FASTKD2: variants seen among roughly 807,000 people sequenced by gnomAD.
FASTKD2 encodes the protein FAST kinase domain-containing protein 2, mitochondrial.
FASTKD2 carries 51 observed loss-of-function variants against 63.6 expected under a neutral mutation model. The ratio of observed to expected loss-of-function variants is 0.80; its 90% CI spans 0.64 to 1.01. The LOEUF (loss-of-function observed/expected upper bound fraction) is 1.01, where lower values mean the gene tolerates loss of function less well. FASTKD2 is among the 50% of genes least tolerant of loss of function. The probability of loss-of-function intolerance (pLI) is 0.00; values close to 1 mark genes in which losing one functional copy is unlikely to be tolerated. For synonymous variants in FASTKD2, 284 were observed against 293.4 expected (o/e 0.97, Z 0.33); for missense variants, 786 against 831.1 (o/e 0.95, Z 0.67).
rs1236156868 is a variant in FASTKD2 at position 206,776,888 on chromosome 2, G to A, written c.1427+2491G>A. On this transcript the variant is annotated intron_variant, in intron 7 of 11. Coordinates refer to ENST00000402774, the MANE Select transcript of FASTKD2 (RefSeq NM_001136193.2). Reference sequence around the variant, plus strand: ...CTGAATCCGTAGACTGCCTGGGTTAGTATGGACATTTTAACAGGATTAAGT... The same window carrying A: ...CTGAATCCGTAGACTGCCTGGGTTAATATGGACATTTTAACAGGATTAAGT... Among the ~76,000 whole-genome samples the A allele has an allele frequency of 8.5e-5, 13 of 152,154 alleles. No homozygotes were observed. In the East Asian group the frequency reaches 2.3e-3, roughly 27 times the overall value.
chr2:206,781,617 G>T (rs2105981233), intron 7 of FASTKD2, among the ~76,000 whole-genome samples: 1 of 148,730 alleles, frequency 6.7e-6, no homozygotes, highest in Middle Eastern at 3.4e-3. Context: ...TGCCTGGCCT[G>T]AATGTGTTTA....
At chr2:206,777,039 G>A (rs1363867339) in intron 7 of FASTKD2, among the ~76,000 whole-genome samples, 1 of 151,846 alleles carries the variant, frequency 6.6e-6, no homozygotes, top group Admixed American at 6.6e-5. Context: ...AGTATTTTAT[G>A]CTTTTTGATA....
intron 7 of FASTKD2, among the ~76,000 whole-genome samples, chr2:206,779,627 C>T (rs994406847): frequency 2.0e-5 from 3 of 152,128 alleles, no homozygotes; most frequent in African/African-American, 7.2e-5. Flanking sequence ...AAACTGCCCC[C>T]ATGATCCAAT....
chr2:206,790,411 A>G (rs1329216042), intron 10 of FASTKD2, 161 bp from the exon 11 acceptor site: 5 of 642,268 alleles, frequency 7.8e-6, no homozygotes, highest in Non-Finnish European at 1.4e-5. Flanking sequence ...ATAGTGGAAT[A>G]TCTGCAGAGG....
rs1028232504 is a variant in FASTKD2 at position 206,795,344 on chromosome 2, C to A, written c.*3542C>A. On this transcript the variant is annotated 3_prime_UTR_variant, in exon 12 of 12. Coordinates refer to ENST00000402774, the MANE Select transcript of FASTKD2 (RefSeq NM_001136193.2). ...CGCCTCCTGGGTTCAAGCCATTCTC[C>A]TGCCTCAGCCTCCCGAGTAGCTGGG... Among the ~76,000 whole-genome samples the A allele has an allele frequency of 3.3e-5, 5 of 152,252 alleles. No individual in the cohort carries two copies. The highest frequency in any genetic ancestry group is 7.3e-5 in the Non-Finnish European group (5 of 68,040).
chr2:206,781,469 C>T (rs1197965271), intron 7 of FASTKD2, among the ~76,000 whole-genome samples: 1 of 151,846 alleles, frequency 6.6e-6, no homozygotes, highest in Non-Finnish European at 1.5e-5. Flanking sequence ...GCACCTGCCA[C>T]CACGCCTGGC....
At chr2:206,787,902 C>A in intron 8 of FASTKD2, 35 bp from the exon 9 acceptor site, 1 of 1,216,082 alleles carries the variant, frequency 8.2e-7, no homozygotes, top group African/African-American at 1.5e-5. Context: ...GCATTTATTT[C>A]TTCTTAATGA....
intron 6 of FASTKD2, among the ~76,000 whole-genome samples, chr2:206,772,695 A>C (rs1396668826): frequency 6.6e-6 from 1 of 152,212 alleles, no homozygotes; most frequent in Non-Finnish European, 1.5e-5. Flanking sequence ...TCAGCTGTGC[A>C]ATCATGAGGG....
At chr2:206,778,009 G>T (rs921208444) in intron 7 of FASTKD2, among the ~76,000 whole-genome samples, 6 of 151,854 alleles carry the variant, frequency 4.0e-5, no homozygotes, top group Non-Finnish European at 8.8e-5. Flanking sequence ...TAGTTATAAT[G>T]TCTTGTTCGT....
chr2:206,796,128 C>T lies in FASTKD2; in HGVS notation c.*4326C>T, dbSNP rs950430575. 1.7e-4 allele frequency among the ~76,000 whole-genome samples: 26 copies of T among 152,164 alleles called. No homozygotes were observed. The highest frequency in any genetic ancestry group is 6.3e-4 in the African/African-American group (26 of 41,440). On this transcript the variant is annotated 3_prime_UTR_variant, in exon 12 of 12. Coordinates refer to ENST00000402774, the MANE Select transcript of FASTKD2 (RefSeq NM_001136193.2). ...AAGTAAATCCTGATTGATAAAGATACTACAATATATGCACATATATATGTT... is the reference window on the plus strand; with the variant it reads ...AAGTAAATCCTGATTGATAAAGATATTACAATATATGCACATATATATGTT...
chr2:206,776,219 A>G (rs1459593562), intron 7 of FASTKD2, among the ~76,000 whole-genome samples: 4 of 151,752 alleles, frequency 2.6e-5, no homozygotes, highest in Non-Finnish European at 3.0e-5. Flanking sequence ...AACTTATAGC[A>G]ATAAGCATAA....
At chr2:206,784,293 A>G (rs1332972933) in intron 7 of FASTKD2, among the ~76,000 whole-genome samples, 1 of 152,258 alleles carries the variant, frequency 6.6e-6, no homozygotes, top group Non-Finnish European at 1.5e-5. Flanking sequence ...AGGAAGGAGA[A>G]AGGAAGATGG....
intron 2 of FASTKD2, among the ~76,000 whole-genome samples, chr2:206,768,378 A>C (rs116580991): frequency 5.4e-4 from 82 of 152,280 alleles, no homozygotes; most frequent in African/African-American, 1.9e-3. Context: ...AAGAGTGTAC[A>C]CTTCTGACGT....
In FASTKD2 at chr2:206,793,116, G is replaced by A. The variant is rs1690333784; in HGVS notation, c.*1314G>A. Among the ~76,000 whole-genome samples, 1 of 151,346 alleles carries A rather than the reference G, an allele frequency of 6.6e-6. No homozygotes were observed. Among genetic ancestry groups the A allele is most frequent in the African/African-American group, 2.4e-5 (1 of 41,096 alleles). On this transcript the variant is annotated 3_prime_UTR_variant, in exon 12 of 12. Transcript: ENST00000402774. The stretch of plus-strand genomic sequence containing the variant: ...GCATGCCTATAATCCCAGCTACTGG[G>A]GAGGCTGAGGCAGGGGAATCGCTTG...
At position 206,766,630 on chromosome 2, in the gene FASTKD2, T is replaced by G. The variant is rs1482527244; in HGVS notation, c.-50-14T>G. 1 of 1,335,606 alleles carries G rather than the reference T, an allele frequency of 7.5e-7. No individual in the cohort carries two copies. Among genetic ancestry groups the G allele is most frequent in the Non-Finnish European group, 1.1e-6 (1 of 928,154 alleles). The allele number at this position is 1,335,606 out of a possible 1,614,324, so 82.7% of individuals were successfully genotyped here. On this transcript the variant is annotated splice_polypyrimidine_tract_variant and intron_variant, in intron 1 of 11. Transcript: ENST00000402774. ...TTTTAATTTTTATTCTTTTCATTACTTCTTCCCCTACAGGAAAACGACAGC... is the reference window on the plus strand; with the variant it reads ...TTTTAATTTTTATTCTTTTCATTACGTCTTCCCCTACAGGAAAACGACAGC...
chr2:206,789,688 G>C (rs1690231884), intron 10 of FASTKD2: 1 of 152,202 alleles, frequency 6.6e-6, no homozygotes, highest in Non-Finnish European at 1.5e-5. Context: ...ACACAGTTCT[G>C]TGACTTTCAC....
chr2:206,787,084 C>T (rs1690157433), intron 8 of FASTKD2, among the ~76,000 whole-genome samples, 185 bp downstream of exon 8: 1 of 152,132 alleles, frequency 6.6e-6, no homozygotes, highest in African/African-American at 2.4e-5. Flanking sequence ...AGCAAACCTA[C>T]AGACCCTTCT....
chr2:206,770,457 G>T (rs964046001), intron 3 of FASTKD2, among the ~76,000 whole-genome samples: 8 of 152,014 alleles, frequency 5.3e-5, no homozygotes, highest in African/African-American at 1.9e-4. Flanking sequence ...TTAAAACATA[G>T]TACTGGCCAG....
At chr2:206,787,387 T>C (rs933364342) in intron 8 of FASTKD2, among the ~76,000 whole-genome samples, 1 of 152,246 alleles carries the variant, frequency 6.6e-6, no homozygotes, top group African/African-American at 2.4e-5. Context: ...AAATTAACTG[T>C]TGACTTTTAG....
Sources: allele counts gnomAD v4.1 joint callset (sites outside exome capture counted in the v4.1 genomes callset), GRCh38; gene constraint gnomAD v4.1.1; transcripts MANE v1.5; gene names NCBI Gene and HGNC (gene_info 2026-07-23, HGNC 2026-07-21).